Variants in CUEDC1 observed in about 807,000 individuals in gnomAD.
CUEDC1 encodes CUE domain-containing protein 1.
A neutral mutation model predicts 43.7 loss-of-function variants in CUEDC1; 30 were observed. The observed-to-expected ratio is 0.69, with a 90% confidence interval of 0.51 to 0.93. CUEDC1 has a LOEUF of 0.93. Among genes scored for constraint, CUEDC1 ranks in the 40% least tolerant of loss-of-function variants. CUEDC1 has a pLI of 0.00. For missense variants in CUEDC1, 486 were observed against 549.0 expected (o/e 0.89, Z 1.15); for synonymous variants, 223 against 223.6 (o/e 1.00, Z 0.02).
intron 6 of CUEDC1, chr17:57,869,806 C>G (rs555719830): frequency 2.6e-5 from 4 of 152,946 alleles, no homozygotes. Flanking sequence ...CAGAGTCTCC[C>G]GGGCTCGCTC....
At chr17:57,902,228 C>A (rs549802112) in intron 1 of CUEDC1, among the ~76,000 whole-genome samples, 78 of 151,732 alleles carry the variant, frequency 5.1e-4, no homozygotes, top group Non-Finnish European at 9.3e-4. Flanking sequence ...ACAAAAAAAA[C>A]CATGATGCAT....
chr17:57,932,339 A>C (rs975518171), intron 1 of CUEDC1, among the ~76,000 whole-genome samples: 3 of 150,292 alleles, frequency 2.0e-5, no homozygotes, highest in African/African-American at 5.0e-5. Flanking sequence ...TAATCCCAGC[A>C]CTTCAGGAGG....
intron 10 of CUEDC1, among the ~76,000 whole-genome samples, chr17:57,866,093 G>A (rs1432837819): frequency 1.3e-5 from 2 of 152,156 alleles, no homozygotes; most frequent in African/African-American, 4.8e-5. Flanking sequence ...AAAGTGCTGG[G>A]ATTACAGGCA....
intron 1 of CUEDC1, among the ~76,000 whole-genome samples, chr17:57,896,851 C>T (rs1597992410): frequency 7.0e-6 from 1 of 143,260 alleles, no homozygotes; most frequent in East Asian, 2.0e-4. Context: ...GCTTATGCAA[C>T]CTCTGCCTCC....
At chr17:57,937,325 C>T (rs569860112) in intron 1 of CUEDC1, among the ~76,000 whole-genome samples, 1 of 152,078 alleles carries the variant, frequency 6.6e-6, no homozygotes, top group African/African-American at 2.4e-5. Context: ...GAAATCTGCC[C>T]AGAGGCCTGG....
At chr17:57,865,699 C>T (rs1444824985) in intron 10 of CUEDC1, among the ~76,000 whole-genome samples, 3 of 152,188 alleles carry the variant, frequency 2.0e-5, no homozygotes, top group Non-Finnish European at 1.5e-5. Context: ...AGCCAGAAAC[C>T]GCTGCCTCAG....
chr17:57,904,961 C>T (rs2074513049), intron 1 of CUEDC1, among the ~76,000 whole-genome samples: 1 of 152,186 alleles, frequency 6.6e-6, no homozygotes, highest in African/African-American at 2.4e-5. Context: ...AAGCAATAAA[C>T]AGAGTCAAGC....
chr17:57,916,476 A>G (rs2074642311), intron 1 of CUEDC1, among the ~76,000 whole-genome samples: 2 of 152,356 alleles, frequency 1.3e-5, no homozygotes, highest in Admixed American at 6.5e-5. Flanking sequence ...CAAAGGCAAC[A>G]CAAAGGCTGC....
At chr17:57,885,116 C>G in intron 2 of CUEDC1, 113 bp downstream of exon 2, 2 of 1,457,778 alleles carry the variant, frequency 1.4e-6, no homozygotes, top group Non-Finnish European at 9.0e-7. Context: ...GCGGAGTAAC[C>G]CAGGTCCTCT....
At chr17:57,874,980 C>CAGAG (rs2144935989) in intron 3 of CUEDC1, among the ~76,000 whole-genome samples, 1 of 152,200 alleles carries the variant, frequency 6.6e-6, no homozygotes, top group South Asian at 2.1e-4. Context: ...CCTCGTCCAC[C>CAGAG]CTCTCCCTGC....
intron 1 of CUEDC1, among the ~76,000 whole-genome samples, chr17:57,890,982 G>A (rs1324214846): frequency 5.3e-5 from 8 of 152,198 alleles, no homozygotes; most frequent in Admixed American, 3.3e-4. Flanking sequence ...GGTACCTGGC[G>A]TATAATAAGC....
At chr17:57,945,341 C>T (rs1278742961) in intron 1 of CUEDC1, among the ~76,000 whole-genome samples, 1 of 152,238 alleles carries the variant, frequency 6.6e-6, no homozygotes, top group Admixed American at 6.5e-5. Context: ...CCTTTAAACA[C>T]TAGTAAATAA....
intron 1 of CUEDC1, among the ~76,000 whole-genome samples, chr17:57,919,651 G>A (rs1211924587): frequency 6.6e-6 from 1 of 152,050 alleles, no homozygotes; most frequent in African/African-American, 2.4e-5. Context: ...TCAAGACAAG[G>A]CAGCTGCAAT....
chr17:57,881,917 C>T (rs78259278), intron 2 of CUEDC1, among the ~76,000 whole-genome samples: 19,912 of 152,134 alleles, frequency 0.13, 1,619 homozygotes, highest in Non-Finnish European at 0.18. Context: ...ATGCAGGGCC[C>T]GAGTCCCAAG....
chr17:57,866,275 A>G (rs1489323458), intron 10 of CUEDC1, among the ~76,000 whole-genome samples, 199 bp downstream of exon 10: 2 of 152,210 alleles, frequency 1.3e-5, no homozygotes, highest in Non-Finnish European at 2.9e-5. Flanking sequence ...CAAATGAATA[A>G]ATAACCAAAA....
rs531288259 is a variant in CUEDC1, at chr17:57,901,167, G to A, written c.-315-15288C>T. Reference sequence around the variant, plus strand: ...CATCACTAACTAGCCAAGTGACCTCGGACACATCATTTTACCTACTGGGCC... The same window carrying A: ...CATCACTAACTAGCCAAGTGACCTCAGACACATCATTTTACCTACTGGGCC... On this transcript the variant is annotated intron_variant, in intron 1 of 10. Transcript: ENST00000577830. 1.9e-3 allele frequency among the ~76,000 whole-genome samples: 286 copies of A among 152,282 alleles called. 1 individual carries two copies. The highest frequency in any genetic ancestry group is 3.2e-3 in the Non-Finnish European group (218 of 68,018).
chr17:57,884,518 C>T (rs1330382005), intron 2 of CUEDC1, among the ~76,000 whole-genome samples: 1 of 152,126 alleles, frequency 6.6e-6, no homozygotes, highest in East Asian at 1.9e-4. Context: ...TTTTTCTCAG[C>T]GTCAGGGCTT....
chr17:57,872,535 T>C (rs376553627), intron 5 of CUEDC1, 128 bp downstream of exon 5: 2 of 1,032,590 alleles, frequency 1.9e-6, no homozygotes, highest in South Asian at 1.5e-5. Context: ...GTGGGAGTCA[T>C]GCCTCAATAG....
chr17:57,885,752 C>T lies in CUEDC1; in HGVS notation c.-188G>A. ...GGGTTAGGAGAGTACGGGCGCGGGG[C>T]CCCAGGCAGCCCTTGGAGAGCGGTC... On this transcript the variant is annotated 5_prime_UTR_variant, in exon 2 of 11. Coordinates refer to ENST00000577830, the MANE Select transcript of CUEDC1 (RefSeq NM_001271875.2). 1.0e-5 allele frequency: 9 copies of T among 885,684 alleles called. No homozygotes were observed. Among genetic ancestry groups the T allele is most frequent in the Non-Finnish European group, 1.3e-5 (9 of 667,574 alleles). The allele number at this position is 885,684 out of a possible 1,614,324, so 54.9% of individuals were successfully genotyped here. A position where few individuals can be genotyped will look rare whatever the true frequency, so the allele number is the denominator to read the frequency against.
Sources: gnomAD v4.1 joint callset for allele counts (sites outside exome capture counted in the v4.1 genomes callset) on GRCh38, gnomAD v4.1.1 for gene constraint, MANE v1.5 for transcripts, NCBI Gene and HGNC (gene_info 2026-07-23, HGNC 2026-07-21) for gene names.